Variants in DSCAM observed in about 807,000 individuals in gnomAD.
DSCAM encodes the protein cell adhesion molecule DSCAM.
DSCAM carries 47 observed loss-of-function variants against 217.7 expected under a neutral mutation model. That is an observed-to-expected ratio of 0.22 (90% CI 0.17 to 0.28). DSCAM has a LOEUF of 0.28. DSCAM is among the 10% of genes least tolerant of loss of function. The pLI is 1.00. For missense variants in DSCAM, 2,080 were observed against 2,618.3 expected, an observed-to-expected ratio of 0.79 and a Z score of 4.49; for synonymous variants, 1,056 against 1,015.3, an observed-to-expected ratio of 1.04 and a Z score of -0.76.
At chr21:40,426,354 C>T (rs1237492123) in intron 3 of DSCAM, among the ~76,000 whole-genome samples, 1 of 152,178 alleles carries the variant, frequency 6.6e-6, no homozygotes, top group African/African-American at 2.4e-5. Flanking sequence ...CTCCATTTGT[C>T]CTTTCATTGG....
At chr21:40,473,863 GAACCACCC>G (rs530424349) in intron 3 of DSCAM, among the ~76,000 whole-genome samples, 165 of 152,240 alleles carry the variant, frequency 1.1e-3, no homozygotes, top group African/African-American at 3.8e-3. Flanking sequence ...GTGTTGGAAG[GAACCACCC>G]TGCTGATAGC....
intron 10 of DSCAM, among the ~76,000 whole-genome samples, chr21:40,280,262 G>A (rs1156327485): frequency 6.8e-6 from 1 of 146,812 alleles, no homozygotes; most frequent in Admixed American, 6.9e-5. Flanking sequence ...GCTCGCTGTG[G>A]CCTCGAACTC....
chr21:40,745,558 T>C (rs932717458), intron 1 of DSCAM, among the ~76,000 whole-genome samples: 1 of 152,042 alleles, frequency 6.6e-6, no homozygotes, highest in Non-Finnish European at 1.5e-5. Context: ...ACATGGAAAA[T>C]GTATCCTTCA....
Position 40,211,344 on chromosome 21 carries a change from A to G in DSCAM, c.2357-22106T>C, listed in dbSNP as rs573738338. Among the ~76,000 whole-genome samples, 4 of 152,274 alleles carry G rather than the reference A, an allele frequency of 2.6e-5. No homozygotes were observed. The East Asian group carries it at 7.7e-4, about 29-fold the overall frequency. On this transcript the variant is annotated intron_variant, in intron 11 of 32. Transcript: ENST00000400454. ...GCTACTATAAAGAAAGCTGCTATGG[A>G]TATTTTTATATAACTTTTTGTGAAC... is the stretch of plus-strand genomic sequence containing the variant.
intron 10 of DSCAM, among the ~76,000 whole-genome samples, chr21:40,276,747 G>T (rs897638719): frequency 1.3e-5 from 2 of 152,050 alleles, no homozygotes; most frequent in Non-Finnish European, 1.5e-5. Context: ...AATATTGCAG[G>T]TTTCTCTTTA....
At chr21:40,140,393 G>C (rs1422459037) in intron 18 of DSCAM, among the ~76,000 whole-genome samples, 1 of 152,122 alleles carries the variant, frequency 6.6e-6, no homozygotes, top group Non-Finnish European at 1.5e-5. Context: ...AAGCTTTAAA[G>C]GTATGAAGCC....
intron 18 of DSCAM, among the ~76,000 whole-genome samples, chr21:40,134,563 T>G (rs1012117963): frequency 6.6e-6 from 1 of 152,232 alleles, no homozygotes; most frequent in Non-Finnish European, 1.5e-5. Context: ...TAAGACAGTG[T>G]CTTTAACTAT....
chr21:40,127,890 GT>G (rs912324900), intron 19 of DSCAM, among the ~76,000 whole-genome samples: 1 of 152,054 alleles, frequency 6.6e-6, no homozygotes, highest in African/African-American at 2.4e-5. Context: ...CCTGAACGTG[GT>G]TTGCTTCTCC....
At chr21:40,343,663 C>T (rs1031630340) in intron 6 of DSCAM, among the ~76,000 whole-genome samples, 1 of 151,962 alleles carries the variant, frequency 6.6e-6, no homozygotes. Flanking sequence ...CACACACAAT[C>T]TATATGTATA....
chr21:40,236,298 T>C (rs951015558), intron 11 of DSCAM, among the ~76,000 whole-genome samples: 1 of 152,164 alleles, frequency 6.6e-6, no homozygotes, highest in African/African-American at 2.4e-5. Flanking sequence ...AGTCAAAATA[T>C]GCTTCTCAAA....
In DSCAM at chr21:40,792,951, G is replaced by C. The variant is rs8134517; in HGVS notation, c.43+53668C>G. On this transcript the variant is annotated intron_variant, in intron 1 of 32. Transcript: ENST00000400454. ...TGTTCAGTTTGTTATGAGATTCTGG[G>C]GAGGAGGGGAGCTGATTCTCAGGCC... Among the ~76,000 whole-genome samples, 56 of 151,788 alleles carry C rather than the reference G, an allele frequency of 3.7e-4. 1 individual carries two copies. The East Asian group carries it at 8.9e-3, about 24-fold the overall frequency.
intron 1 of DSCAM, among the ~76,000 whole-genome samples, chr21:40,757,315 G>A (rs990920774): frequency 3.3e-5 from 5 of 152,260 alleles, no homozygotes; most frequent in African/African-American, 4.8e-5. Flanking sequence ...GTAAGCCATC[G>A]TGCCCAGCCC....
chr21:40,571,139 C>T (rs772149210), intron 3 of DSCAM, among the ~76,000 whole-genome samples: 20 of 150,914 alleles, frequency 1.3e-4, no homozygotes, highest in Non-Finnish European at 2.5e-4. Context: ...AAAAATAGCC[C>T]ATGTTATATT....
At chr21:40,569,192 A>T (rs796745203) in intron 3 of DSCAM, among the ~76,000 whole-genome samples, 8 of 151,922 alleles carry the variant, frequency 5.3e-5, no homozygotes, top group African/African-American at 1.9e-4. Flanking sequence ...GCTTCCATTT[A>T]TTTTCTTCCT....
chr21:40,091,443 G>A (rs533003829), intron 21 of DSCAM, among the ~76,000 whole-genome samples: 87 of 152,142 alleles, frequency 5.7e-4, no homozygotes, highest in Non-Finnish European at 9.6e-4. Flanking sequence ...CTCTGCAGGA[G>A]CTTCTGACTG....
At chr21:40,333,067 G>T (rs1445130882) in intron 8 of DSCAM, among the ~76,000 whole-genome samples, 1 of 152,158 alleles carries the variant, frequency 6.6e-6, no homozygotes, top group Non-Finnish European at 1.5e-5. Flanking sequence ...AAGGCTTCAG[G>T]TTTGCTCTTC....
At chr21:40,349,136 C>CTAAAAAAAAAAAAAAAAAAAAA (rs2074600317) in intron 5 of DSCAM, among the ~76,000 whole-genome samples, 1 of 38,720 alleles carries the variant, frequency 2.6e-5, no homozygotes, top group Non-Finnish European at 4.8e-5. Context: ...GACTCCATCT[C>CTAAAAAAAAAAAAAAAAAAAAA]AAAAAAAAAA....
chr21:40,736,643 G>A (rs911537293), intron 1 of DSCAM, among the ~76,000 whole-genome samples: 2 of 152,162 alleles, frequency 1.3e-5, no homozygotes, highest in African/African-American at 4.8e-5. Context: ...TAGAACAAAA[G>A]AGGCTTCCTT....
chr21:40,270,496 CAAA>C (rs2073600928), intron 11 of DSCAM, among the ~76,000 whole-genome samples: 1 of 152,174 alleles, frequency 6.6e-6, no homozygotes, highest in Non-Finnish European at 1.5e-5. Context: ...TGGGTGTTCA[CAAA>C]CCTGGGACAC....
Sources: allele counts gnomAD v4.1 joint callset (sites outside exome capture counted in the v4.1 genomes callset), GRCh38; gene constraint gnomAD v4.1.1; transcripts MANE v1.5; gene names NCBI Gene and HGNC (gene_info 2026-07-23, HGNC 2026-07-21).